Variants in PDE12 observed in about 807,000 individuals in gnomAD.
The protein encoded by PDE12 is 2',5'-phosphodiesterase 12.
Under a neutral mutation model 45.4 loss-of-function variants are expected in PDE12, and 26 were observed. That is an observed-to-expected ratio of 0.57 (90% CI 0.42 to 0.79). The LOEUF is 0.79. PDE12 is among the 30% of genes least tolerant of loss of function. The probability of loss-of-function intolerance (pLI) is 0.00; values close to 1 mark genes in which losing one functional copy is unlikely to be tolerated. For missense variants in PDE12, 668 were observed against 790.0 expected, an observed-to-expected ratio of 0.85 and a Z score of 1.85; for synonymous variants, 283 against 323.9, an observed-to-expected ratio of 0.87 and a Z score of 1.36.
At chr3:57,624,242 C>T in the PDE12 span, among the ~76,000 whole-genome samples, 3,637 of 151,970 alleles carry the variant, frequency 0.024, 68 homozygotes, top group Non-Finnish European at 0.035. Flanking sequence ...GCTCCGCCTC[C>T]CAGGTTCACA....
chr3:57,648,336 G>GA, the PDE12 span, among the ~76,000 whole-genome samples: 3 of 152,058 alleles, frequency 2.0e-5, no homozygotes, highest in Non-Finnish European at 4.4e-5. Context: ...AAACACTGCT[G>GA]AAAAAAATCA....
At chr3:57,585,870 C>G in the PDE12 span, among the ~76,000 whole-genome samples, 4 of 152,046 alleles carry the variant, frequency 2.6e-5, no homozygotes, top group Non-Finnish European at 5.9e-5. Flanking sequence ...CCATGTTGGC[C>G]AGGCTGGTCT....
At chr3:57,597,059 C>G in the PDE12 span, 1 of 1,613,460 alleles carries the variant, frequency 6.2e-7, no homozygotes, top group Non-Finnish European at 8.5e-7. Flanking sequence ...GCCTGACTCG[C>G]AGCCCCTCAC....
In PDE12 at chr3:57,560,419, G is replaced by C. The variant is rs1388460687; in HGVS notation, c.*415G>C. ...CGGCTCACTGCAACCTCCGCCCCCTGGGTTTAAGCGATTCTCCTGCCTCAG... is the reference window on the plus strand; with the variant it reads ...CGGCTCACTGCAACCTCCGCCCCCTCGGTTTAAGCGATTCTCCTGCCTCAG... On this transcript the variant is annotated 3_prime_UTR_variant, in exon 3 of 3. Transcript: ENST00000311180. 1.8e-6 allele frequency: 1 copy of C among 557,856 alleles called. No individual in the cohort carries two copies. Among genetic ancestry groups the C allele is most frequent in the East Asian group, 1.4e-4 (1 of 7,360 alleles). The allele number at this position is 557,856 out of a possible 1,614,324, so 34.6% of individuals were successfully genotyped here.
the PDE12 span, among the ~76,000 whole-genome samples, chr3:57,624,338 G>T: frequency 6.6e-6 from 1 of 151,988 alleles, no homozygotes; most frequent in Admixed American, 6.6e-5. Flanking sequence ...TTTTAGTAGA[G>T]ACAGGGTTTC....
the PDE12 span, chr3:57,630,879 G>A: frequency 6.2e-7 from 1 of 1,610,616 alleles, no homozygotes; most frequent in Non-Finnish European, 8.5e-7. Flanking sequence ...GTTCACAGAA[G>A]TTAATTACAG....
chr3:57,654,086 C>G, the PDE12 span, among the ~76,000 whole-genome samples: 1 of 150,626 alleles, frequency 6.6e-6, no homozygotes, highest in African/African-American at 2.4e-5. Flanking sequence ...TAGCTGGGAC[C>G]ACAGGTGCCC....
At chr3:57,571,382 A>G (rs1329386734), downstream of PDE12, 3 of 152,616 alleles carry the variant, frequency 2.0e-5, no homozygotes, top group African/African-American at 7.2e-5. Context: ...TTATCATTTT[A>G]TTAGGAATAA....
At position 57,562,753 on chromosome 3, in the gene PDE12, G is replaced by A. The variant is rs145804317; in HGVS notation, c.*2749G>A. Reference sequence around the variant, plus strand: ...GAACTCTTGCACAGTTGCCGCTACAGCAAATGTGTCTGCCAATAATCAAAA... The same window carrying A: ...GAACTCTTGCACAGTTGCCGCTACAACAAATGTGTCTGCCAATAATCAAAA... On this transcript the variant is annotated 3_prime_UTR_variant, in exon 3 of 3. Transcript: ENST00000311180. The A allele has an allele frequency of 7.7e-4, 117 of 152,290 alleles. No individual in the cohort carries two copies. The highest frequency in any genetic ancestry group is 2.8e-3 in the African/African-American group (115 of 41,568). The allele number at this position is 152,290 out of a possible 1,614,324, so 9.4% of individuals were successfully genotyped here.
At chr3:57,604,295 T>A in the PDE12 span, among the ~76,000 whole-genome samples, 1 of 152,174 alleles carries the variant, frequency 6.6e-6, no homozygotes, top group Non-Finnish European at 1.5e-5. Flanking sequence ...AGAATTAATC[T>A]ACAAATTTTT....
the PDE12 span, chr3:57,641,587 TGAAAA>T: frequency 7.4e-7 from 1 of 1,344,778 alleles, no homozygotes; most frequent in Non-Finnish European, 1.0e-6. Context: ...TAATCAAGGA[TGAAAA>T]GAAAGAAACC....
At chr3:57,569,327 G>C (rs191685281), downstream of PDE12, among the ~76,000 whole-genome samples, 1 of 152,076 alleles carries the variant, frequency 6.6e-6, no homozygotes, top group East Asian at 1.9e-4. Context: ...AATTTTTAGG[G>C]GTAAATGTGT....
the PDE12 span, among the ~76,000 whole-genome samples, chr3:57,637,997 G>A: frequency 6.6e-6 from 1 of 151,710 alleles, no homozygotes; most frequent in African/African-American, 2.4e-5. Context: ...AGCTGAGTGT[G>A]GTGGCGCACA....
At chr3:57,594,597 G>A in the PDE12 span, among the ~76,000 whole-genome samples, 6 of 152,080 alleles carry the variant, frequency 3.9e-5, no homozygotes, top group South Asian at 4.1e-4. Context: ...GCAGGTGTAC[G>A]AATTAAATTT....
the PDE12 span, among the ~76,000 whole-genome samples, chr3:57,656,017 G>A: frequency 6.6e-6 from 1 of 151,928 alleles, no homozygotes; most frequent in Non-Finnish European, 1.5e-5. Flanking sequence ...TTCATTTTGG[G>A]GACACTCCCT....
the PDE12 span, chr3:57,629,008 C>T: frequency 1.4e-6 from 1 of 726,972 alleles, no homozygotes; most frequent in Non-Finnish European, 2.2e-6. Flanking sequence ...GTATTTAACC[C>T]AGATATAGCA....
the PDE12 span, chr3:57,654,724 C>T: frequency 6.1e-6 from 6 of 983,802 alleles, no homozygotes; most frequent in Non-Finnish European, 7.2e-6. Flanking sequence ...ATGGAATAGA[C>T]CTTGACCTAG....
At chr3:57,581,522 C>A in the PDE12 span, among the ~76,000 whole-genome samples, 87 of 152,284 alleles carry the variant, frequency 5.7e-4, no homozygotes, top group Non-Finnish European at 3.7e-4. Flanking sequence ...ATATATTGGC[C>A]AAGCGCAGTA....
At chr3:57,590,932 A>C in the PDE12 span, among the ~76,000 whole-genome samples, 14 of 152,332 alleles carry the variant, frequency 9.2e-5, no homozygotes, top group Admixed American at 9.2e-4. Flanking sequence ...TTTAAAATTG[A>C]ATATTTACTG....
Sources: allele counts gnomAD v4.1 joint callset (sites outside exome capture counted in the v4.1 genomes callset), GRCh38; gene constraint gnomAD v4.1.1; transcripts MANE v1.5; gene names NCBI Gene and HGNC (gene_info 2026-07-23, HGNC 2026-07-21).